The following IPMK variants were observed in gnomAD, a reference collection of about 807,000 sequenced individuals.
IPMK encodes inositol polyphosphate multikinase, also known as inositol 1,3,4,6-tetrakisphosphate 5-kinase.
Under a neutral mutation model 45.8 loss-of-function variants are expected in IPMK, and 17 were observed. That is an observed-to-expected ratio of 0.37 (90% CI 0.25 to 0.56). IPMK has a LOEUF of 0.56. IPMK is among the 20% of genes least tolerant of loss of function. The pLI is 0.79. For synonymous variants in IPMK, 180 were observed against 184.3 expected (o/e 0.98, Z 0.19); for missense variants, 399 against 498.0 (o/e 0.80, Z 1.89).
At chr10:58,235,690 TTA>T (rs1838600106) in intron 2 of IPMK, among the ~76,000 whole-genome samples, 2 of 152,058 alleles carry the variant, frequency 1.3e-5, no homozygotes, top group African/African-American at 4.8e-5. Flanking sequence ...AGGGATAGCG[TTA>T]TGAGAAATAC....
At chr10:58,252,239 T>A (rs1297526265) in intron 1 of IPMK, among the ~76,000 whole-genome samples, 1 of 152,196 alleles carries the variant, frequency 6.6e-6, no homozygotes, top group African/African-American at 2.4e-5. Flanking sequence ...ATGTGGACTG[T>A]CAAGTATCAA....
intron 1 of IPMK, among the ~76,000 whole-genome samples, chr10:58,246,059 T>A (rs1000255111): frequency 7.7e-6 from 1 of 130,398 alleles, no homozygotes; most frequent in Non-Finnish European, 1.5e-5. Context: ...CACAATTGCT[T>A]CAAAGAGAAT....
At chr10:58,204,507 G>A (rs1838044807) in intron 4 of IPMK, among the ~76,000 whole-genome samples, 1 of 152,076 alleles carries the variant, frequency 6.6e-6, no homozygotes, top group Admixed American at 6.6e-5. Context: ...AGAGAGCAAA[G>A]CTGAGGCCAG....
chr10:58,217,688 CAAA>C (rs11393849), intron 3 of IPMK, among the ~76,000 whole-genome samples: 9 of 49,262 alleles, frequency 1.8e-4, no homozygotes, highest in East Asian at 7.0e-4. Flanking sequence ...AACTCCATCT[CAAA>C]AAAAAAAAAA....
intron 2 of IPMK, among the ~76,000 whole-genome samples, chr10:58,232,231 T>A (rs1838535243): frequency 6.6e-6 from 1 of 152,080 alleles, no homozygotes; most frequent in African/African-American, 2.4e-5. Context: ...ACAATAACAA[T>A]GGGAGACTTT....
intron 3 of IPMK, among the ~76,000 whole-genome samples, chr10:58,219,918 T>C (rs1352437479): frequency 6.6e-6 from 1 of 152,188 alleles, no homozygotes; most frequent in Non-Finnish European, 1.5e-5. Context: ...ACAAAGAAGT[T>C]TTAAAAACAC....
chr10:58,208,810 G>T (rs577999645), intron 4 of IPMK, among the ~76,000 whole-genome samples: 1 of 151,380 alleles, frequency 6.6e-6, no homozygotes, highest in African/African-American at 2.4e-5. Context: ...GCCCATAGAG[G>T]GGGTATCCCT....
rs142147838 is a variant in IPMK, at chr10:58,241,563, T to A, written c.191-3749A>T. Among the ~76,000 whole-genome samples the A allele has an allele frequency of 3.3e-5, 5 of 152,266 alleles. No homozygotes were observed. The South Asian group carries it at 1.0e-3, about 32-fold the overall frequency. On this transcript the variant is annotated intron_variant, in intron 1 of 5. Coordinates refer to ENST00000373935, the MANE Select transcript of IPMK (RefSeq NM_152230.5). ...CCAGGGTTTGCATAACAAAATGCCA[T>A]AGACTGAGCAGCTTAAACCACAGAA... is the stretch of plus-strand genomic sequence containing the variant.
At chr10:58,234,625 G>GA (rs1367171346) in intron 2 of IPMK, among the ~76,000 whole-genome samples, 7 of 152,180 alleles carry the variant, frequency 4.6e-5, no homozygotes, top group Non-Finnish European at 1.0e-4. Flanking sequence ...GGAGAAAGCT[G>GA]AAACTGGATC....
chr10:58,257,448 T>A (rs556098069), intron 1 of IPMK, among the ~76,000 whole-genome samples: 1 of 152,066 alleles, frequency 6.6e-6, no homozygotes, highest in Non-Finnish European at 1.5e-5. Flanking sequence ...TGAGCTGAGA[T>A]TATGCCACTG....
At chr10:58,246,758 T>A (rs1838807404) in intron 1 of IPMK, among the ~76,000 whole-genome samples, 1 of 151,912 alleles carries the variant, frequency 6.6e-6, no homozygotes, top group Admixed American at 6.6e-5. Flanking sequence ...GGACTTCATG[T>A]CTAAAACACT....
chr10:58,226,030 G>C (rs1838410101), intron 3 of IPMK, among the ~76,000 whole-genome samples: 1 of 152,138 alleles, frequency 6.6e-6, no homozygotes, highest in African/African-American at 2.4e-5. Context: ...AAGGAAAAAA[G>C]ACAGTTAATA....
intron 4 of IPMK, among the ~76,000 whole-genome samples, chr10:58,204,137 A>T (rs1289102052): frequency 6.6e-6 from 1 of 152,060 alleles, no homozygotes; most frequent in Admixed American, 6.5e-5. Context: ...TGAGGCAGGA[A>T]GACTGCTTGA....
At position 58,196,505 on chromosome 10, in the gene IPMK, T is replaced by G. The variant is rs750816294; in HGVS notation, c.822A>C (p.Ala274=). The change falls in exon 6 of 6, where the codon GCA becomes GCC. Residue 274 remains alanine (A), a synonymous_variant. Transcript: ENST00000373935. ...TTTKLNDRTL[A]EKFLSKGQLS... ...GTTGTCCTTTGGACAAAAACTTTTCTGCCAAAGTTCTGTCATTCAATTTTG... is the reference window on the plus strand; with the variant it reads ...GTTGTCCTTTGGACAAAAACTTTTCGGCCAAAGTTCTGTCATTCAATTTTG... 49 of 1,613,944 alleles carry G rather than the reference T, an allele frequency of 3.0e-5. No homozygotes were observed. The highest frequency in any genetic ancestry group is 4.2e-5 in the Non-Finnish European group (49 of 1,179,984).
intron 3 of IPMK, among the ~76,000 whole-genome samples, chr10:58,223,474 C>T (rs1277538654): frequency 6.6e-6 from 1 of 152,164 alleles, no homozygotes; most frequent in Non-Finnish European, 1.5e-5. Flanking sequence ...TACTTATTTA[C>T]AGCCCCTTAA....
chr10:58,256,118 G>C (rs888888394), intron 1 of IPMK, among the ~76,000 whole-genome samples: 2 of 152,182 alleles, frequency 1.3e-5, no homozygotes, highest in Non-Finnish European at 2.9e-5. Flanking sequence ...GAAAAGAACA[G>C]GGTAACAGCA....
rs1839179880 is a variant in IPMK, at chr10:58,267,891, G to A, written c.-280C>T. On this transcript the variant is annotated 5_prime_UTR_variant, in exon 1 of 6. Coordinates refer to ENST00000373935, the MANE Select transcript of IPMK (RefSeq NM_152230.5). ...GCCCGGTAGACAGAACCGAGCCGAA[G>A]AACAGCAGCAGCGGCGCCCCGCGCT... 2.9e-6 allele frequency: 1 copy of A among 341,944 alleles called. No individual in the cohort carries two copies. The highest frequency in any genetic ancestry group is 5.3e-6 in the Non-Finnish European group (1 of 189,310). 21.2% of individuals were successfully genotyped at this position (341,944 alleles called of 1,614,324 possible).
intron 2 of IPMK, among the ~76,000 whole-genome samples, chr10:58,236,120 G>A (rs780706918): frequency 6.6e-6 from 1 of 151,010 alleles, no homozygotes; most frequent in Non-Finnish European, 1.5e-5. Context: ...TGGTAGAGAC[G>A]GGGTTTCACC....
chr10:58,208,839 G>A (rs1030657981), intron 4 of IPMK, among the ~76,000 whole-genome samples: 5 of 152,172 alleles, frequency 3.3e-5, no homozygotes, highest in African/African-American at 7.2e-5. Context: ...AGCAGATGTC[G>A]CTAAGGCAGG....
Sources: allele counts gnomAD v4.1 joint callset (sites outside exome capture counted in the v4.1 genomes callset), GRCh38; gene constraint gnomAD v4.1.1; transcripts MANE v1.5; gene names NCBI Gene and HGNC (gene_info 2026-07-23, HGNC 2026-07-21).